The following MTSS1 variants were observed in gnomAD, a reference collection of about 807,000 sequenced individuals.
MTSS1 encodes protein MTSS 1.
In MTSS1, 18 loss-of-function variants were observed where a neutral mutation model predicts 79.0. The ratio of observed to expected loss-of-function variants is 0.23; its 90% CI spans 0.16 to 0.34. The LOEUF is 0.34. Among genes scored for constraint, MTSS1 ranks in the 10% least tolerant of loss-of-function variants. The pLI is 1.00. For synonymous variants in MTSS1, 341 were observed against 368.6 expected (o/e 0.93, Z 0.86); for missense variants, 815 against 986.2 (o/e 0.83, Z 2.33).
intron 3 of MTSS1, among the ~76,000 whole-genome samples, chr8:124,639,694 C>A (rs1226897975): frequency 6.6e-6 from 1 of 152,118 alleles, no homozygotes; most frequent in African/African-American, 2.4e-5. Context: ...GAACTCCTGA[C>A]CTCAAGTGAT....
chr8:124,726,303 G>C (rs1328460355), intron 1 of MTSS1, among the ~76,000 whole-genome samples: 3 of 152,158 alleles, frequency 2.0e-5, no homozygotes, highest in African/African-American at 7.2e-5. Flanking sequence ...CTGGATTCTG[G>C]ATTAAAGAAC....
intron 3 of MTSS1, among the ~76,000 whole-genome samples, chr8:124,686,795 G>T (rs1351807659): frequency 6.6e-6 from 1 of 152,114 alleles, no homozygotes; most frequent in East Asian, 1.9e-4. Context: ...TCAATTCTGA[G>T]GTGTTTCCAT....
chr8:124,629,781 C>T (rs888612550), intron 3 of MTSS1, among the ~76,000 whole-genome samples: 4 of 152,200 alleles, frequency 2.6e-5, no homozygotes, highest in Non-Finnish European at 5.9e-5. Context: ...CCAGACACCA[C>T]ACCACAAGGC....
At chr8:124,569,765 G>A (rs1195322934) in intron 6 of MTSS1, among the ~76,000 whole-genome samples, 1 of 152,284 alleles carries the variant, frequency 6.6e-6, no homozygotes, top group Non-Finnish European at 1.5e-5. Context: ...GCTGGAAGGG[G>A]TTATCCAATT....
At chr8:124,648,825 A>G (rs1164580492) in intron 3 of MTSS1, among the ~76,000 whole-genome samples, 1 of 152,198 alleles carries the variant, frequency 6.6e-6, no homozygotes, top group Non-Finnish European at 1.5e-5. Flanking sequence ...TCAGTACGCC[A>G]TGATGAAAAT....
rs1822582778 is a variant in MTSS1, at chr8:124,551,905, G to A, written c.*1087C>T. 1 of 152,628 alleles carries A rather than the reference G, an allele frequency of 6.6e-6. No homozygotes were observed. Among genetic ancestry groups the A allele is most frequent in the Admixed American group, 6.5e-5 (1 of 15,278 alleles). 9.5% of individuals were successfully genotyped at this position (152,628 alleles called of 1,614,324 possible). On this transcript the variant is annotated 3_prime_UTR_variant, in exon 14 of 14. Coordinates refer to ENST00000518547, the MANE Select transcript of MTSS1 (RefSeq NM_014751.6). ...AAGCCCCCAGATTGGTAAACACATT[G>A]GCAAGTTGCTAGACTCCAAGCTGGC...
chr8:124,688,211 A>G (rs1487103472), intron 3 of MTSS1, among the ~76,000 whole-genome samples: 3 of 151,810 alleles, frequency 2.0e-5, no homozygotes, highest in Non-Finnish European at 4.4e-5. Flanking sequence ...TGTTGTGTGT[A>G]TATATGCGTG....
chr8:124,622,254 A>T (rs1813706377), intron 3 of MTSS1, among the ~76,000 whole-genome samples: 1 of 152,060 alleles, frequency 6.6e-6, no homozygotes, highest in Admixed American at 6.6e-5. Context: ...TTATAGGTGG[A>T]ATATATTTTT....
intron 3 of MTSS1, among the ~76,000 whole-genome samples, chr8:124,626,575 G>A (rs909183816): frequency 4.6e-5 from 7 of 152,000 alleles, no homozygotes; most frequent in African/African-American, 1.7e-4. Context: ...TTATCCACTG[G>A]GCTGGAGGGG....
At chr8:124,566,028 G>T in intron 8 of MTSS1, 1 of 273,972 alleles carries the variant, frequency 3.7e-6, no homozygotes, top group Non-Finnish European at 6.9e-6. Context: ...GTCGAGAGAG[G>T]GAGAAATACA....
intron 3 of MTSS1, among the ~76,000 whole-genome samples, chr8:124,670,394 C>CGGCACCCCACACAGCCTGGT (rs1823916723): frequency 1.3e-5 from 2 of 150,810 alleles, no homozygotes; most frequent in Non-Finnish European, 2.9e-5. Context: ...CACAGCCTGG[C>CGGCACCCCACACAGCCTGGT]GGCACCCCAC....
chr8:124,708,251 A>C (rs1159139679), intron 1 of MTSS1, among the ~76,000 whole-genome samples: 2 of 152,206 alleles, frequency 1.3e-5, no homozygotes, highest in African/African-American at 4.8e-5. Flanking sequence ...GAGAGGAGGA[A>C]CGAATGAGGT....
At chr8:124,718,116 A>G (rs370272523) in intron 1 of MTSS1, among the ~76,000 whole-genome samples, 15 of 152,338 alleles carry the variant, frequency 9.8e-5, no homozygotes, top group African/African-American at 3.6e-4. Flanking sequence ...GAGTGTGAAC[A>G]TAACCCACTT....
chr8:124,634,126 G>C (rs78665842), intron 3 of MTSS1, among the ~76,000 whole-genome samples: 1 of 123,648 alleles, frequency 8.1e-6, no homozygotes, highest in Non-Finnish European at 1.7e-5. Context: ...TTTTTTTTTT[G>C]AGACAGGGTC....
At chr8:124,587,149 A>C (rs1048677863) in intron 5 of MTSS1, among the ~76,000 whole-genome samples, 16 of 152,330 alleles carry the variant, frequency 1.1e-4, no homozygotes, top group Admixed American at 9.8e-4. Context: ...GCAGGAGAGC[A>C]GGTTCCCTGA....
chr8:124,572,659 C>T (rs1269617072), intron 6 of MTSS1, among the ~76,000 whole-genome samples: 4 of 152,056 alleles, frequency 2.6e-5, no homozygotes, highest in Non-Finnish European at 5.9e-5. Flanking sequence ...GAACAGATGC[C>T]AACAGCCCCT....
chr8:124,628,431 C>G (rs1366175509), intron 3 of MTSS1, among the ~76,000 whole-genome samples: 1 of 152,072 alleles, frequency 6.6e-6, no homozygotes, highest in Non-Finnish European at 1.5e-5. Flanking sequence ...GGATGCTTGC[C>G]CAGCCCAGGG....
intron 3 of MTSS1, among the ~76,000 whole-genome samples, chr8:124,646,332 A>G (rs1341787695): frequency 2.0e-5 from 3 of 152,232 alleles, no homozygotes; most frequent in Non-Finnish European, 4.4e-5. Flanking sequence ...TATAACTGCC[A>G]TCTAATCAGC....
chr8:124,674,905 A>G (rs1017713191), intron 3 of MTSS1, among the ~76,000 whole-genome samples: 2 of 152,016 alleles, frequency 1.3e-5, no homozygotes, highest in Admixed American at 1.3e-4. Flanking sequence ...TATTTCTAGT[A>G]GAGACGGGGT....
Sources: gnomAD v4.1 joint callset for allele counts (sites outside exome capture counted in the v4.1 genomes callset) on GRCh38, gnomAD v4.1.1 for gene constraint, MANE v1.5 for transcripts, NCBI Gene and HGNC (gene_info 2026-07-23, HGNC 2026-07-21) for gene names.